Variants in UBR3 observed in about 807,000 individuals in gnomAD.
UBR3 encodes ubiquitin protein ligase E3 component n-recognin 3.
Under a neutral mutation model 243.2 loss-of-function variants are expected in UBR3, and 85 were observed. The observed-to-expected ratio is 0.35, with a 90% CI of 0.29 to 0.42. The LOEUF (loss-of-function observed/expected upper bound fraction) is 0.42. Among genes scored for constraint, UBR3 ranks in the 10% least tolerant of loss-of-function variants. The pLI is 1.00. For missense variants in UBR3, 1,686 were observed against 2,300.8 expected (o/e 0.73, Z 5.47); for synonymous variants, 748 against 799.8 (o/e 0.94, Z 1.09).
intron 35 of UBR3, among the ~76,000 whole-genome samples, chr2:170,061,903 A>G (rs996945390): frequency 5.9e-5 from 9 of 152,124 alleles, no homozygotes; most frequent in Non-Finnish European, 1.3e-4. Context: ...TTTTTGTTGT[A>G]TTTGTTAACA....
intron 5 of UBR3, among the ~76,000 whole-genome samples, chr2:169,886,313 T>G (rs536819792): frequency 1.3e-5 from 2 of 152,186 alleles, no homozygotes; most frequent in Admixed American, 1.3e-4. Context: ...TCTTTTCCAG[T>G]GCAGGAATTG....
intron 30 of UBR3, among the ~76,000 whole-genome samples, chr2:170,018,007 A>G (rs977751385): frequency 2.0e-5 from 3 of 152,150 alleles, no homozygotes; most frequent in African/African-American, 7.2e-5. Flanking sequence ...AAAATGTCAG[A>G]GCTTGCACTT....
intron 1 of UBR3, among the ~76,000 whole-genome samples, chr2:169,851,854 A>C (rs1330380243): frequency 1.3e-5 from 2 of 150,210 alleles, no homozygotes; most frequent in African/African-American, 2.4e-5. Context: ...AAAAAAAAAA[A>C]CAACAGTTAA....
chr2:169,939,458 A>G (rs1441652555), intron 19 of UBR3, among the ~76,000 whole-genome samples: 6 of 147,440 alleles, frequency 4.1e-5, no homozygotes, highest in Middle Eastern at 3.5e-3. Flanking sequence ...TAGTAGAGAC[A>G]GGCCTTCACC....
chr2:170,010,134 A>C (rs1040308287), intron 29 of UBR3, among the ~76,000 whole-genome samples: 5 of 152,158 alleles, frequency 3.3e-5, no homozygotes, highest in African/African-American at 1.2e-4. Flanking sequence ...GTTTATCTAG[A>C]ATGTTTTTGG....
intron 24 of UBR3, among the ~76,000 whole-genome samples, chr2:169,972,326 AC>A (rs1184437853): frequency 4.9e-4 from 75 of 152,308 alleles, no homozygotes; most frequent in African/African-American, 1.6e-3. Flanking sequence ...GCCGAATTCT[AC>A]CAGAGGTACA....
At chr2:169,891,322 G>A (rs746649247) in intron 6 of UBR3, 91 bp downstream of exon 6, 18 of 935,044 alleles carry the variant, frequency 1.9e-5, no homozygotes, top group Non-Finnish European at 2.9e-5. Flanking sequence ...TAGCCATACT[G>A]ACATCAAAGC....
At chr2:169,979,014 C>G (rs947623165) in intron 24 of UBR3, among the ~76,000 whole-genome samples, 4 of 152,134 alleles carry the variant, frequency 2.6e-5, no homozygotes, top group African/African-American at 7.2e-5. Context: ...GCAAAACACA[C>G]ATCTGATAAA....
At chr2:170,049,168 C>T (rs987792766) in intron 32 of UBR3, among the ~76,000 whole-genome samples, 2 of 152,090 alleles carry the variant, frequency 1.3e-5, no homozygotes, top group African/African-American at 4.8e-5. Context: ...TGACCAGAAG[C>T]CTTACCAATA....
intron 33 of UBR3, 152 bp from the exon 34 acceptor site, chr2:170,060,927 T>G (rs2091443751): frequency 2.1e-6 from 1 of 487,276 alleles, no homozygotes; most frequent in African/African-American, 2.0e-5. Context: ...AATCCAGAGG[T>G]GTACAGTTTT....
chr2:170,048,456 C>T (rs1187578455), intron 32 of UBR3, among the ~76,000 whole-genome samples: 1 of 152,152 alleles, frequency 6.6e-6, no homozygotes, highest in Admixed American at 6.5e-5. Context: ...GCGTGTTTCT[C>T]CTTTCATAAA....
intron 1 of UBR3, among the ~76,000 whole-genome samples, chr2:169,834,292 G>C (rs1000552758): frequency 6.6e-6 from 1 of 152,080 alleles, no homozygotes; most frequent in African/African-American, 2.4e-5. Context: ...TTTTTGTAAT[G>C]TACTATGATT....
intron 18 of UBR3, among the ~76,000 whole-genome samples, chr2:169,929,647 A>G (rs2086045794): frequency 6.6e-6 from 1 of 152,142 alleles, no homozygotes; most frequent in Non-Finnish European, 1.5e-5. Flanking sequence ...AAATGCACAG[A>G]ACGTTTTCCT....
intron 1 of UBR3, among the ~76,000 whole-genome samples, chr2:169,836,550 A>C (rs73022447): frequency 6.6e-6 from 1 of 151,658 alleles, no homozygotes; most frequent in African/African-American, 2.4e-5. Context: ...CTTCATACCT[A>C]GTTGATGAGT....
At chr2:169,902,193 T>C (rs12991583) in intron 8 of UBR3, among the ~76,000 whole-genome samples, 61,947 of 152,072 alleles carry the variant, frequency 0.41, 14,021 homozygotes, top group Non-Finnish European at 0.52. Flanking sequence ...CATTACCAAC[T>C]CTGTCCTTCA....
intron 25 of UBR3, among the ~76,000 whole-genome samples, chr2:169,990,865 A>AT (rs56371090): frequency 0.86 from 130,812 of 151,596 alleles, 57,187 homozygotes; most frequent in East Asian, 0.99. Context: ...GGAAGAATTA[A>AT]TTTTTTTTTA....
chr2:169,949,558 TA>T, intron 22 of UBR3, 46 bp from the exon 23 acceptor site: 1 of 1,444,234 alleles, frequency 6.9e-7, no homozygotes, highest in Non-Finnish European at 9.2e-7. Context: ...AAAATGATGC[TA>T]AATAACTTCT....
In UBR3 at chr2:169,986,742, C is replaced by T. The variant is rs2089021891; in HGVS notation, c.3732C>T (p.Pro1244=). ...YDCVICGQSG[P]SSEDRPTGLV... ...GTGTTATTTGTGGACAGAGTGGCCC[C>T]TCCTCTGAAGATCGACCTACTGGAT... The change falls in exon 25 of 39, where the codon CCC becomes CCT. Residue 1244 remains proline, a synonymous_variant. Coordinates refer to ENST00000272793, the MANE Select transcript of UBR3 (RefSeq NM_172070.4). 1.2e-6 allele frequency: 2 copies of T among 1,614,088 alleles called. No homozygotes were observed. Among genetic ancestry groups the T allele is most frequent in the Non-Finnish European group, 1.7e-6 (2 of 1,179,996 alleles).
Position 169,914,152 on chromosome 2 carries a change from T to C in UBR3, c.1866+6T>C. ...CTATTAACTTCGTAGACGAGGTATGTATATTTTTGATGTATGTAAATTTTT... is the reference window on the plus strand; with the variant it reads ...CTATTAACTTCGTAGACGAGGTATGCATATTTTTGATGTATGTAAATTTTT... On this transcript the variant is annotated splice_donor_region_variant and intron_variant, in intron 11 of 38. Coordinates refer to ENST00000272793, the MANE Select transcript of UBR3 (RefSeq NM_172070.4). 6.8e-7 allele frequency: 1 copy of C among 1,475,770 alleles called. No individual in the cohort carries two copies. Among genetic ancestry groups the C allele is most frequent in the Non-Finnish European group, 9.0e-7 (1 of 1,108,902 alleles). 91.4% of individuals were successfully genotyped at this position (1,475,770 alleles called of 1,614,324 possible).
Sources: allele counts gnomAD v4.1 joint callset (sites outside exome capture counted in the v4.1 genomes callset), GRCh38; gene constraint gnomAD v4.1.1; transcripts MANE v1.5; gene names NCBI Gene and HGNC (gene_info 2026-07-23, HGNC 2026-07-21).